Variants in EIF2AK4 observed in about 807,000 individuals in gnomAD.
The protein encoded by EIF2AK4 is eukaryotic translation initiation factor 2 alpha kinase 4.
Under a neutral mutation model 211.1 loss-of-function variants are expected in EIF2AK4, and 139 were observed. The observed-to-expected ratio is 0.66, with a 90% confidence interval of 0.57 to 0.76. The LOEUF is 0.76. Ranked by LOEUF, EIF2AK4 falls within the 30% of genes least tolerant of loss-of-function variation. The pLI is 0.00. For synonymous variants in EIF2AK4, 710 were observed against 751.3 expected (o/e 0.94, Z 0.90); for missense variants, 1,664 against 2,043.8 (o/e 0.81, Z 3.58).
chr15:40,023,839 T>TTTTTTTTATTC (rs1294489314), intron 32 of EIF2AK4, among the ~76,000 whole-genome samples: 3 of 152,216 alleles, frequency 2.0e-5, no homozygotes, highest in African/African-American at 2.4e-5. Context: ...AGTTTATTCT[T>TTTTTTTTATTC]TTTTTAGTTT....
intron 10 of EIF2AK4, 42 bp from the exon 11 acceptor site, chr15:39,973,550 T>G (rs770794751): frequency 5.8e-6 from 9 of 1,557,570 alleles, no homozygotes; most frequent in Non-Finnish European, 7.8e-6. Flanking sequence ...CTTCCTAAAT[T>G]TCCAATGCCT....
chr15:40,011,697 A>G (rs2035237608), intron 27 of EIF2AK4, among the ~76,000 whole-genome samples: 1 of 152,214 alleles, frequency 6.6e-6, no homozygotes, highest in Non-Finnish European at 1.5e-5. Flanking sequence ...GAATTAGATT[A>G]TACAGGACTA....
At position 39,954,059 on chromosome 15, in the gene EIF2AK4, TG is replaced by T. The variant is rs1485238218; in HGVS notation, c.594+76del. ...TTTTTATTTCCACTGATGACATCTG[TG>T]TTACTATCAGTAATACAGCTTAAAA... On this transcript the variant is annotated intron_variant, in intron 5 of 38. Coordinates refer to ENST00000263791, the MANE Select transcript of EIF2AK4 (RefSeq NM_001013703.4). 2.5e-6 allele frequency: 3 copies of T among 1,218,670 alleles called. No homozygotes were observed. In the African/African-American group the frequency reaches 4.6e-5, roughly 19 times the overall value. 75.5% of individuals were successfully genotyped at this position (1,218,670 alleles called of 1,614,324 possible). A position where few individuals can be genotyped will look rare whatever the true frequency, so the allele number is the denominator to read the frequency against.
At chr15:40,002,579 G>T in intron 21 of EIF2AK4, 134 bp from the exon 22 acceptor site, 1 of 853,354 alleles carries the variant, frequency 1.2e-6, no homozygotes, top group Non-Finnish European at 2.0e-6. Flanking sequence ...TTCAAAGAGG[G>T]ATGGACTTGT....
At chr15:39,941,196 C>A (rs2034139953) in intron 2 of EIF2AK4, among the ~76,000 whole-genome samples, 1 of 151,602 alleles carries the variant, frequency 6.6e-6, no homozygotes, top group Non-Finnish European at 1.5e-5. Flanking sequence ...TTAATTAAAT[C>A]TTTGGCCACT....
At chr15:39,984,719 C>T (rs1031195751) in intron 13 of EIF2AK4, among the ~76,000 whole-genome samples, 3 of 152,200 alleles carry the variant, frequency 2.0e-5, no homozygotes, top group Non-Finnish European at 4.4e-5. Flanking sequence ...TGAGACTTTG[C>T]TGAAGTTGCT....
At chr15:39,998,270 G>GTTTTTTTTTTTTTTT (rs11435806) in intron 19 of EIF2AK4, among the ~76,000 whole-genome samples, 60 of 125,304 alleles carry the variant, frequency 4.8e-4, no homozygotes, top group Non-Finnish European at 6.1e-4. Context: ...TTTTTTTTTT[G>GTTTTTTTTTTTTTTT]TTTTGTTTTT....
chr15:39,944,760 A>C (rs1182397916), intron 3 of EIF2AK4, among the ~76,000 whole-genome samples: 1 of 152,162 alleles, frequency 6.6e-6, no homozygotes, highest in Non-Finnish European at 1.5e-5. Flanking sequence ...AAAACTAAGA[A>C]GAGGTGCCCT....
intron 32 of EIF2AK4, among the ~76,000 whole-genome samples, chr15:40,023,198 T>C (rs1247313811): frequency 6.6e-5 from 10 of 152,290 alleles, no homozygotes; most frequent in Non-Finnish European, 1.5e-4. Flanking sequence ...AAGTTGTATC[T>C]GCTGATAGGC....
chr15:39,992,979 G>T (rs2140928955), intron 18 of EIF2AK4, 131 bp downstream of exon 18: 1 of 828,026 alleles, frequency 1.2e-6, no homozygotes, highest in African/African-American at 1.7e-5. Flanking sequence ...AAGGACTCAT[G>T]GTCCTAAGGA....
At chr15:39,949,927 A>G (rs1054286295) in intron 4 of EIF2AK4, among the ~76,000 whole-genome samples, 1 of 152,020 alleles carries the variant, frequency 6.6e-6, no homozygotes, top group African/African-American at 2.4e-5. Flanking sequence ...TTGCATAAAG[A>G]TATAAACTCT....
intron 30 of EIF2AK4, 66 bp from the exon 31 acceptor site, chr15:40,020,833 T>A (rs1016142539): frequency 6.9e-7 from 1 of 1,446,122 alleles, no homozygotes; most frequent in Non-Finnish European, 9.3e-7. Context: ...CCCCTCCTGA[T>A]GCTGGTTTCA....
chr15:40,005,721 G>A (rs1039169775), intron 23 of EIF2AK4, among the ~76,000 whole-genome samples: 3 of 151,484 alleles, frequency 2.0e-5, no homozygotes, highest in East Asian at 2.0e-4. Flanking sequence ...GTAGGTGCCC[G>A]CTACCATGCC....
Position 39,976,643 on chromosome 15 carries a change from G to T in EIF2AK4, c.2048G>T (p.Arg683Leu). 1 of 1,604,308 alleles carries T rather than the reference G, an allele frequency of 6.2e-7. No homozygotes were observed. Among genetic ancestry groups the T allele is most frequent in the African/African-American group, 1.3e-5 (1 of 74,708 alleles). The change falls in exon 12 of 39, where the codon CGC becomes CTC. Residue 683 changes from arginine to leucine, a missense_variant. Around this residue, in one of 7 missense-constraint regions of EIF2AK4, gnomAD observed 206 missense variants for 201.9 expected, o/e 1.02. Coordinates refer to ENST00000263791, the MANE Select transcript of EIF2AK4 (RefSeq NM_001013703.4). ...GPLAKDDRAARGQPASDTDGL... is the reference protein window; with the variant it reads ...GPLAKDDRAALGQPASDTDGL... ...CTGGCCAAGGATGACCGAGCTGCACGCGGGCAGCCGGCGAGCGACACAGAC... is the reference window on the plus strand; with the variant it reads ...CTGGCCAAGGATGACCGAGCTGCACTCGGGCAGCCGGCGAGCGACACAGAC...
intron 3 of EIF2AK4, among the ~76,000 whole-genome samples, chr15:39,948,562 A>G (rs1022585286): frequency 6.6e-6 from 1 of 152,254 alleles, no homozygotes; most frequent in Admixed American, 6.5e-5. Context: ...GAAATAAAAT[A>G]CTTTCTAAGT....
At chr15:39,979,951 A>G (rs1242540464) in intron 13 of EIF2AK4, among the ~76,000 whole-genome samples, 2 of 152,254 alleles carry the variant, frequency 1.3e-5, no homozygotes, top group African/African-American at 4.8e-5. Flanking sequence ...GGAAGGCGCA[A>G]GAAGCTCTTT....
In EIF2AK4 at chr15:40,026,204, C is replaced by T. The variant is rs533887227; in HGVS notation, c.4502+115C>T. The stretch of plus-strand genomic sequence containing the variant: ...GTGCTGTGGCTCACACCTGTAATCC[C>T]AGCACTTTGGGAGGCCAAGTTTGGG... On this transcript the variant is annotated intron_variant, in intron 33 of 38. Transcript: ENST00000263791. 3 of 941,182 alleles carry T rather than the reference C, an allele frequency of 3.2e-6. No homozygotes were observed. In the South Asian group the frequency reaches 4.9e-5, roughly 15 times the overall value. The allele number at this position is 941,182 out of a possible 1,614,324, so 58.3% of individuals were successfully genotyped here.
At chr15:40,014,267 G>A (rs549643337) in intron 27 of EIF2AK4, among the ~76,000 whole-genome samples, 2 of 152,336 alleles carry the variant, frequency 1.3e-5, no homozygotes, top group Admixed American at 1.3e-4. Context: ...CTGTATGGGG[G>A]CTGCAAACCC....
At chr15:40,021,151 T>TA in intron 31 of EIF2AK4, 124 bp downstream of exon 31, 2 of 1,128,256 alleles carry the variant, frequency 1.8e-6, no homozygotes, top group Non-Finnish European at 2.4e-6. Flanking sequence ...CCTCCTGTGT[T>TA]AGTTTCTGAT....
Sources: allele counts gnomAD v4.1 joint callset (sites outside exome capture counted in the v4.1 genomes callset), GRCh38; gene constraint gnomAD v4.1.1; regional missense constraint gnomAD v4.1.1; transcripts MANE v1.5; gene names NCBI Gene and HGNC (gene_info 2026-07-23, HGNC 2026-07-21).